Variants in CA10 observed in about 807,000 individuals in gnomAD.
The protein encoded by CA10 is carbonic anhydrase-related protein 10.
CA10 carries 14 observed loss-of-function variants against 44.2 expected under a neutral mutation model. The ratio of observed to expected loss-of-function variants is 0.32; its 90% CI spans 0.21 to 0.50. CA10 has a LOEUF of 0.50. CA10 is among the 20% of genes least tolerant of loss of function. The pLI is 0.99. For missense variants in CA10, 350 were observed against 409.7 expected (o/e 0.85, Z 1.26); for synonymous variants, 159 against 141.6 (o/e 1.12, Z -0.87).
At chr17:52,016,894 T>C (rs757355973) in intron 2 of CA10, among the ~76,000 whole-genome samples, 5 of 152,094 alleles carry the variant, frequency 3.3e-5, no homozygotes, top group African/African-American at 7.2e-5. Context: ...GCCTAGGTGA[T>C]AGAATGAGGC....
At position 51,630,859 on chromosome 17, in the gene CA10, C is replaced by A. The variant is rs1912539647; in HGVS notation, c.*725G>T. The A allele has an allele frequency of 6.5e-6, 1 of 152,686 alleles. No homozygotes were observed. Among genetic ancestry groups the A allele is most frequent in the Non-Finnish European group, 1.5e-5 (1 of 68,050 alleles). 9.5% of individuals were successfully genotyped at this position (152,686 alleles called of 1,614,324 possible). ...GGAAAACAAGAAACAGCAAATGGAT[C>A]ATTTCTGATCTTGGCAAATCCTACT... On this transcript the variant is annotated 3_prime_UTR_variant, in exon 9 of 9. Transcript: ENST00000451037.
intron 3 of CA10, among the ~76,000 whole-genome samples, chr17:51,774,895 C>T (rs1190014448): frequency 4.6e-5 from 7 of 152,154 alleles, no homozygotes; most frequent in Non-Finnish European, 7.4e-5. Flanking sequence ...TACATACATC[C>T]TATAGTTACG....
chr17:52,050,928 C>A (rs1054700874), intron 2 of CA10, among the ~76,000 whole-genome samples: 1 of 151,534 alleles, frequency 6.6e-6, no homozygotes, highest in African/African-American at 2.4e-5. Flanking sequence ...CTGCTATACA[C>A]CCAGACCCTG....
At chr17:51,712,116 C>T (rs1915960029) in intron 4 of CA10, among the ~76,000 whole-genome samples, 1 of 152,204 alleles carries the variant, frequency 6.6e-6, no homozygotes, top group Admixed American at 6.5e-5. Context: ...CTATCTTGTT[C>T]ACCTCTGAAC....
At chr17:51,827,835 A>T (rs150441230) in intron 3 of CA10, among the ~76,000 whole-genome samples, 1 of 152,206 alleles carries the variant, frequency 6.6e-6, no homozygotes, top group African/African-American at 2.4e-5. Context: ...CCTTAAACTT[A>T]GGTTTGGCCA....
At chr17:51,803,582 C>T (rs1526183) in intron 3 of CA10, among the ~76,000 whole-genome samples, 73,510 of 152,034 alleles carry the variant, frequency 0.48, 18,217 homozygotes, top group East Asian at 0.67. Flanking sequence ...AGCAAAGAAA[C>T]ACTACATTTT....
chr17:52,014,869 C>T (rs1163714802), intron 2 of CA10, among the ~76,000 whole-genome samples: 1 of 152,044 alleles, frequency 6.6e-6, no homozygotes. Flanking sequence ...TATCTATTCA[C>T]ATCAGCAAAA....
chr17:51,707,804 G>A (rs899982029), intron 4 of CA10, among the ~76,000 whole-genome samples: 1 of 151,874 alleles, frequency 6.6e-6, no homozygotes, highest in Admixed American at 6.6e-5. Context: ...GGAGAATAGT[G>A]GTTTGGGTTT....
At chr17:51,927,436 G>C (rs976211181) in intron 3 of CA10, among the ~76,000 whole-genome samples, 4 of 152,044 alleles carry the variant, frequency 2.6e-5, no homozygotes, top group Non-Finnish European at 5.9e-5. Flanking sequence ...AGGTTTCTAT[G>C]TGCCATATTT....
intron 3 of CA10, among the ~76,000 whole-genome samples, chr17:51,842,282 A>T (rs980922312): frequency 3.9e-5 from 6 of 152,194 alleles, no homozygotes; most frequent in African/African-American, 1.4e-4. Flanking sequence ...ATCACAAAGG[A>T]TGCTGTTAGA....
At chr17:51,857,595 G>A (rs756979796) in intron 3 of CA10, among the ~76,000 whole-genome samples, 4 of 152,086 alleles carry the variant, frequency 2.6e-5, no homozygotes, top group South Asian at 2.1e-4. Context: ...AGACACACAC[G>A]GCTTCATGCA....
intron 3 of CA10, among the ~76,000 whole-genome samples, chr17:51,908,190 C>G (rs1222366631): frequency 6.6e-6 from 1 of 152,128 alleles, no homozygotes; most frequent in Non-Finnish European, 1.5e-5. Flanking sequence ...CTGCATGCAC[C>G]TGGTACCAGA....
chr17:52,100,338 AGTTT>A (rs1988508323), intron 1 of CA10, among the ~76,000 whole-genome samples: 1 of 152,174 alleles, frequency 6.6e-6, no homozygotes, highest in African/African-American at 2.4e-5. Flanking sequence ...AGATACAGAT[AGTTT>A]ATTTGGGCAG....
At chr17:51,802,869 G>GT (rs1401704584) in intron 3 of CA10, among the ~76,000 whole-genome samples, 3 of 152,106 alleles carry the variant, frequency 2.0e-5, no homozygotes, top group African/African-American at 7.2e-5. Flanking sequence ...CTGCTTCCAG[G>GT]CTCTGCTGAA....
intron 3 of CA10, among the ~76,000 whole-genome samples, chr17:51,801,650 C>T (rs1182158216): frequency 1.3e-5 from 2 of 152,100 alleles, no homozygotes; most frequent in Non-Finnish European, 2.9e-5. Context: ...GTGGTAGATG[C>T]TGTGTCTACA....
chr17:52,058,100 A>C (rs1987279665), intron 2 of CA10, among the ~76,000 whole-genome samples: 1 of 152,118 alleles, frequency 6.6e-6, no homozygotes. Flanking sequence ...ATGCAGGTTT[A>C]TATACACTTA....
At chr17:52,072,718 A>ACACACAC (rs1987717546) in intron 1 of CA10, among the ~76,000 whole-genome samples, 2 of 85,914 alleles carry the variant, frequency 2.3e-5, no homozygotes, top group African/African-American at 4.8e-5. Context: ...CACACACACA[A>ACACACAC]CACACACACA....
chr17:51,637,117 C>T (rs1912868551), intron 6 of CA10, among the ~76,000 whole-genome samples: 1 of 152,132 alleles, frequency 6.6e-6, no homozygotes, highest in Non-Finnish European at 1.5e-5. Context: ...CTTCTCCCCT[C>T]TTCATGATCC....
At chr17:52,027,169 G>T (rs757444071) in intron 2 of CA10, among the ~76,000 whole-genome samples, 2 of 152,020 alleles carry the variant, frequency 1.3e-5, no homozygotes, top group African/African-American at 2.4e-5. Context: ...CCTCACATGT[G>T]CAGTTCACAA....
Sources: gnomAD v4.1 joint callset for allele counts (sites outside exome capture counted in the v4.1 genomes callset) on GRCh38, gnomAD v4.1.1 for gene constraint, MANE v1.5 for transcripts, NCBI Gene and HGNC (gene_info 2026-07-23, HGNC 2026-07-21) for gene names.